The following EVA1C variants were observed in gnomAD, a reference collection of about 807,000 sequenced individuals.
EVA1C encodes the protein protein eva-1 homolog C.
EVA1C carries 25 observed loss-of-function variants against 45.4 expected under a neutral mutation model. The ratio of observed to expected loss-of-function variants is 0.55; its 90% CI spans 0.40 to 0.77. The LOEUF is 0.77. Ranked by LOEUF, EVA1C falls within the 30% of genes least tolerant of loss-of-function variation. The pLI, the probability that EVA1C is intolerant of heterozygous loss-of-function variation, is 0.00. For missense variants in EVA1C, 479 were observed against 554.8 expected (o/e 0.86, Z 1.37); for synonymous variants, 190 against 221.2 (o/e 0.86, Z 1.25).
chr21:32,456,096 TAGTC>T lies in EVA1C; in HGVS notation c.358-1498_358-1495del, dbSNP rs572741008. 3.9e-5 allele frequency among the ~76,000 whole-genome samples: 6 copies of T among 152,310 alleles called. No homozygotes were observed. In the South Asian group the frequency reaches 6.2e-4, roughly 16 times the overall value. On this transcript the variant is annotated intron_variant, in intron 2 of 7. Coordinates refer to ENST00000300255, the MANE Select transcript of EVA1C (RefSeq NM_058187.5). ...TAGTAGAGACAGGGTTTCACTGTGT[TAGTC>T]AGGCTGGTCTTGAACTCCTGACCTC...
At chr21:32,416,639 T>C (rs2034061270) in intron 1 of EVA1C, among the ~76,000 whole-genome samples, 1 of 152,180 alleles carries the variant, frequency 6.6e-6, no homozygotes, top group Non-Finnish European at 1.5e-5. Context: ...TCTCCTTTTC[T>C]TTTTCTTTTG....
chr21:32,438,258 A>T (rs1184813415), intron 1 of EVA1C, among the ~76,000 whole-genome samples: 2 of 152,140 alleles, frequency 1.3e-5, no homozygotes, highest in Non-Finnish European at 2.9e-5. Flanking sequence ...GCACTTTGGG[A>T]GGCCAAGGCG....
intron 1 of EVA1C, among the ~76,000 whole-genome samples, chr21:32,419,540 C>T (rs1053246081): frequency 2.0e-5 from 3 of 152,070 alleles, no homozygotes; most frequent in Non-Finnish European, 4.4e-5. Context: ...AATGGTGAAA[C>T]CCCATCTGTA....
intron 6 of EVA1C, among the ~76,000 whole-genome samples, chr21:32,502,594 A>G (rs2037596018): frequency 6.6e-6 from 1 of 152,004 alleles, no homozygotes; most frequent in Non-Finnish European, 1.5e-5. Context: ...TACCTTTATT[A>G]TATGTATTAG....
chr21:32,414,791 G>T (rs2033971343), intron 1 of EVA1C, among the ~76,000 whole-genome samples: 1 of 152,106 alleles, frequency 6.6e-6, no homozygotes, highest in East Asian at 1.9e-4. Context: ...TGGTGATATT[G>T]CCACCCACAA....
intron 2 of EVA1C, among the ~76,000 whole-genome samples, chr21:32,456,578 C>T (rs181774269): frequency 5.6e-4 from 85 of 152,334 alleles, no homozygotes; most frequent in African/African-American, 2.0e-3. Flanking sequence ...GCGGGGCCAG[C>T]ATTCTTCACG....
At chr21:32,485,303 G>C (rs1276660411) in intron 4 of EVA1C, among the ~76,000 whole-genome samples, 3 of 152,068 alleles carry the variant, frequency 2.0e-5, no homozygotes, top group Non-Finnish European at 4.4e-5. Flanking sequence ...GAGTGGCTAG[G>C]ATTACAGGCG....
intron 4 of EVA1C, among the ~76,000 whole-genome samples, chr21:32,470,744 CTTTCTT>C (rs760346786): frequency 1.3e-5 from 2 of 150,152 alleles, no homozygotes; most frequent in South Asian, 4.2e-4. Flanking sequence ...ATCTTTCTTT[CTTTCTT>C]TTTCTTTTTC....
chr21:32,449,402 T>C (rs867679000), intron 1 of EVA1C, among the ~76,000 whole-genome samples: 1 of 152,214 alleles, frequency 6.6e-6, no homozygotes, highest in Non-Finnish European at 1.5e-5. Context: ...CTGGCAACCA[T>C]GGATATTTTC....
At chr21:32,467,933 C>T (rs1375089552) in intron 4 of EVA1C, 85 bp downstream of exon 4, 2 of 876,714 alleles carry the variant, frequency 2.3e-6, no homozygotes, top group South Asian at 5.2e-5. Flanking sequence ...CTATATATAT[C>T]CTATATGATT....
At chr21:32,415,551 C>A (rs1001877664) in intron 1 of EVA1C, among the ~76,000 whole-genome samples, 1 of 152,114 alleles carries the variant, frequency 6.6e-6, no homozygotes, top group Non-Finnish European at 1.5e-5. Context: ...TTTCCTGGGG[C>A]TGTCAGCTGG....
In EVA1C at chr21:32,511,975, T is replaced by G. The variant is rs376137168; in HGVS notation, c.950-2839T>G. Among the ~76,000 whole-genome samples the G allele has an allele frequency of 9.6e-4, 146 of 152,116 alleles. 2 individuals are homozygous for G. The highest frequency in any genetic ancestry group is 3.4e-3 in the Middle Eastern group (1 of 294). ...ACATTATAGCCAAGACAGTGAAATA[T>G]TTTACAGCGATATGATATTAAATTA... On this transcript the variant is annotated intron_variant, in intron 7 of 7. Coordinates refer to ENST00000300255, the MANE Select transcript of EVA1C (RefSeq NM_058187.5).
At chr21:32,510,482 A>G (rs1381918908) in intron 7 of EVA1C, among the ~76,000 whole-genome samples, 1 of 152,226 alleles carries the variant, frequency 6.6e-6, no homozygotes, top group Non-Finnish European at 1.5e-5. Flanking sequence ...CCATGCAGGA[A>G]AGATGGTTTA....
chr21:32,462,813 C>T (rs1028792622), intron 3 of EVA1C, among the ~76,000 whole-genome samples: 20 of 152,240 alleles, frequency 1.3e-4, no homozygotes, highest in Non-Finnish European at 2.5e-4. Context: ...CATCCCTCTG[C>T]TTCGGCCCAT....
At chr21:32,503,852 G>A (rs1601054015) in intron 6 of EVA1C, 74 bp from the exon 7 acceptor site, 3 of 962,168 alleles carry the variant, frequency 3.1e-6, no homozygotes, top group East Asian at 5.2e-5. Flanking sequence ...TGGGGTAGGA[G>A]CAGCAGGGGT....
rs1009450436 is a variant in EVA1C at position 32,474,058 on chromosome 21, G to T, written c.634+6210G>T. 1 of 573,316 alleles carries T rather than the reference G, an allele frequency of 1.7e-6. No individual in the cohort carries two copies. Among genetic ancestry groups the T allele is most frequent in the Non-Finnish European group, 2.2e-6 (1 of 453,676 alleles). The allele number at this position is 573,316 out of a possible 1,614,324, so 35.5% of individuals were successfully genotyped here. The stretch of plus-strand genomic sequence containing the variant: ...TTCTCTCACCTCAGCCTCCTGAGTA[G>T]CTGGGACTACAGGTGCATGCCACCA... On this transcript the variant is annotated intron_variant, in intron 4 of 7. Coordinates refer to ENST00000300255, the MANE Select transcript of EVA1C (RefSeq NM_058187.5). This position sits in a 1 kb window ranked among gnomAD's most constrained non-coding sequence, Gnocchi z 4.4.
chr21:32,490,439 G>A (rs148020826), intron 4 of EVA1C, among the ~76,000 whole-genome samples: 8 of 152,220 alleles, frequency 5.3e-5, no homozygotes, highest in Non-Finnish European at 1.0e-4. Flanking sequence ...GGGTGGTGGG[G>A]GATCTTAAGC....
intron 3 of EVA1C, among the ~76,000 whole-genome samples, chr21:32,461,119 T>G (rs2035981856): frequency 6.6e-6 from 1 of 152,202 alleles, no homozygotes; most frequent in Non-Finnish European, 1.5e-5. Context: ...AGCTGAGAAC[T>G]GCAGGGATGG....
intron 1 of EVA1C, among the ~76,000 whole-genome samples, chr21:32,434,548 G>T (rs540392199): frequency 1.3e-5 from 2 of 150,096 alleles, no homozygotes; most frequent in South Asian, 4.2e-4. Context: ...CCGAGATAGC[G>T]CCACTGCACT....
Sources: allele counts gnomAD v4.1 joint callset (sites outside exome capture counted in the v4.1 genomes callset), GRCh38; gene constraint gnomAD v4.1.1; non-coding constraint Gnocchi (gnomAD v3.1); transcripts MANE v1.5; gene names NCBI Gene and HGNC (gene_info 2026-07-23, HGNC 2026-07-21).